Variants in DLGAP1 observed in about 807,000 individuals in gnomAD.
The protein encoded by DLGAP1 is DLG associated protein 1.
Under a neutral mutation model 90.8 loss-of-function variants are expected in DLGAP1, and 11 were observed. The ratio of observed to expected loss-of-function variants is 0.12; its 90% confidence interval spans 0.08 to 0.20. DLGAP1 has a LOEUF of 0.20. DLGAP1 is among the 10% of genes least tolerant of loss of function. The pLI is 1.00. For missense variants in DLGAP1, 1,050 were observed against 1,333.8 expected (o/e 0.79, Z 3.31); for synonymous variants, 558 against 540.7 (o/e 1.03, Z -0.44).
intron 1 of DLGAP1, among the ~76,000 whole-genome samples, chr18:4,282,923 A>AT (rs2079588168): frequency 6.6e-6 from 1 of 152,200 alleles, no homozygotes; most frequent in Admixed American, 6.5e-5. Context: ...CAGTCATGTC[A>AT]TTTTATCCTA....
At chr18:4,350,214 T>A (rs2081378699) in intron 1 of DLGAP1, among the ~76,000 whole-genome samples, 1 of 152,194 alleles carries the variant, frequency 6.6e-6, no homozygotes, top group South Asian at 2.1e-4. Context: ...TTATTCCATC[T>A]GTTCAAAGCG....
intron 5 of DLGAP1, among the ~76,000 whole-genome samples, chr18:3,755,061 TATA>T (rs1319967047): frequency 1.3e-5 from 2 of 152,300 alleles, no homozygotes; most frequent in African/African-American, 4.8e-5. Context: ...ATCATACTAC[TATA>T]ATAATATTGA....
intron 6 of DLGAP1, among the ~76,000 whole-genome samples, chr18:3,732,552 T>A (rs2062478591): frequency 6.6e-6 from 1 of 152,240 alleles, no homozygotes; most frequent in Non-Finnish European, 1.5e-5. Flanking sequence ...CCATATGTAA[T>A]CGATTTTTAA....
intron 2 of DLGAP1, among the ~76,000 whole-genome samples, chr18:4,042,112 G>A (rs2074984260): frequency 6.6e-6 from 1 of 152,092 alleles, no homozygotes; most frequent in Non-Finnish European, 1.5e-5. Context: ...TGTAATTGAT[G>A]TGCCACATTT....
chr18:3,658,144 G>C (rs1003737212), intron 7 of DLGAP1, among the ~76,000 whole-genome samples: 5 of 152,202 alleles, frequency 3.3e-5, no homozygotes, highest in African/African-American at 1.2e-4. Flanking sequence ...GTTGGGCAGA[G>C]ATGTGCAGTG....
intron 5 of DLGAP1, among the ~76,000 whole-genome samples, chr18:3,795,958 G>A (rs186305723): frequency 2.8e-4 from 43 of 152,212 alleles, no homozygotes; most frequent in Admixed American, 4.6e-4. Flanking sequence ...GAGCAGAGCC[G>A]CAGGATTGGG....
chr18:3,946,916 T>C (rs553630711), intron 3 of DLGAP1, among the ~76,000 whole-genome samples: 48 of 152,344 alleles, frequency 3.2e-4, no homozygotes, highest in Admixed American at 5.2e-4. Context: ...CTGCTTTAAT[T>C]TGAAGATACA....
At chr18:4,345,841 C>A in intron 1 of DLGAP1, among the ~76,000 whole-genome samples, 1 of 152,152 alleles carries the variant, frequency 6.6e-6, no homozygotes, top group East Asian at 1.9e-4. Context: ...GATCAGGTCA[C>A]GACATCAAAT....
intron 9 of DLGAP1, among the ~76,000 whole-genome samples, chr18:3,559,152 G>A (rs7240234): frequency 0.17 from 25,982 of 152,016 alleles, 3,105 homozygotes; most frequent in African/African-American, 0.34. Flanking sequence ...AGTTGTGGCC[G>A]AGATTCATTT....
intron 1 of DLGAP1, among the ~76,000 whole-genome samples, chr18:4,427,511 G>A (rs2083183288): frequency 6.6e-6 from 1 of 152,112 alleles, no homozygotes. Context: ...TGTTCTTCAG[G>A]GAGGTTTTGT....
chr18:3,758,080 C>T (rs1459237668), intron 5 of DLGAP1, among the ~76,000 whole-genome samples: 1 of 147,194 alleles, frequency 6.8e-6, no homozygotes, highest in Non-Finnish European at 1.5e-5. Context: ...GCACTCCAGC[C>T]TGGGTGACAG....
At chr18:3,928,659 C>A (rs917607582) in intron 3 of DLGAP1, among the ~76,000 whole-genome samples, 1 of 152,096 alleles carries the variant, frequency 6.6e-6, no homozygotes, top group Non-Finnish European at 1.5e-5. Context: ...AGAAATTGAG[C>A]CACAGAGAAG....
rs143438170 is a variant in DLGAP1, at chr18:4,412,622, T to C, written c.-267+42384A>G. On this transcript the variant is annotated intron_variant, in intron 1 of 12. Coordinates refer to ENST00000315677, the MANE Select transcript of DLGAP1 (RefSeq NM_004746.4). ...TTTAATAAGGAACAGCTTATTGACATGAGAACAACCACCTGTTATATAGGA... is the reference window on the plus strand; with the variant it reads ...TTTAATAAGGAACAGCTTATTGACACGAGAACAACCACCTGTTATATAGGA... Among the ~76,000 whole-genome samples the C allele has an allele frequency of 2.7e-4, 41 of 152,250 alleles. No individual in the cohort carries two copies. The East Asian group carries it at 7.7e-3, about 29-fold the overall frequency.
chr18:4,401,755 A>T (rs1210532039), intron 1 of DLGAP1, among the ~76,000 whole-genome samples: 3 of 152,234 alleles, frequency 2.0e-5, no homozygotes, highest in African/African-American at 7.2e-5. Context: ...ACTTGGTATT[A>T]CAATAATGCT....
At chr18:3,974,325 T>C (rs937277311) in intron 3 of DLGAP1, among the ~76,000 whole-genome samples, 1 of 152,090 alleles carries the variant, frequency 6.6e-6, no homozygotes, top group African/African-American at 2.4e-5. Context: ...CACATTATTA[T>C]AATCTTATGG....
At position 3,795,868 on chromosome 18, in the gene DLGAP1, C is replaced by A. The variant is rs141774672; in HGVS notation, c.1172+18191G>T. ...TCTCCTCATATATACCAACCAAAAC[C>A]CACAAAAAAATTTGTTATCCTTGTA... On this transcript the variant is annotated intron_variant, in intron 5 of 12. Coordinates refer to ENST00000315677, the MANE Select transcript of DLGAP1 (RefSeq NM_004746.4). Among the ~76,000 whole-genome samples the A allele has an allele frequency of 3.7e-3, 569 of 152,130 alleles. 3 individuals carry two copies. The highest frequency in any genetic ancestry group is 0.013 in the African/African-American group (558 of 41,520).
intron 2 of DLGAP1, among the ~76,000 whole-genome samples, chr18:4,014,901 G>T (rs1185433372): frequency 6.6e-6 from 1 of 152,090 alleles, no homozygotes; most frequent in African/African-American, 2.4e-5. Context: ...GCCTGGGAGA[G>T]GCTCTAAGTT....
At chr18:3,553,798 G>C (rs2053606670) in intron 9 of DLGAP1, among the ~76,000 whole-genome samples, 1 of 152,108 alleles carries the variant, frequency 6.6e-6, no homozygotes, top group Admixed American at 6.5e-5. Flanking sequence ...CCCCCAATGT[G>C]CTGGGATTAC....
intron 3 of DLGAP1, among the ~76,000 whole-genome samples, chr18:3,892,326 C>G (rs954392885): frequency 9.9e-5 from 15 of 152,132 alleles, no homozygotes; most frequent in Admixed American, 3.9e-4. Context: ...ACCCGGCGTC[C>G]ATCTGCCAGA....
Sources: allele counts gnomAD v4.1 joint callset (sites outside exome capture counted in the v4.1 genomes callset), GRCh38; gene constraint gnomAD v4.1.1; transcripts MANE v1.5; gene names NCBI Gene and HGNC (gene_info 2026-07-23, HGNC 2026-07-21).